CEP170B: variants seen among roughly 807,000 people sequenced by gnomAD.
CEP170B encodes the protein centrosomal protein 170B.
In CEP170B, 55 loss-of-function variants were observed where a neutral mutation model predicts 120.6. The observed-to-expected ratio is 0.46, with a 90% CI of 0.37 to 0.57. CEP170B has a LOEUF of 0.57. Among genes scored for constraint, CEP170B ranks in the 20% least tolerant of loss-of-function variants. The pLI, the probability that CEP170B is intolerant of heterozygous loss-of-function variation, is 0.00. For synonymous variants in CEP170B, 1,033 were observed against 954.5 expected (o/e 1.08, Z -1.52); for missense variants, 2,212 against 2,253.3 (o/e 0.98, Z 0.37).
Position 104,884,094 on chromosome 14 carries a change from A to G in CEP170B, c.1315A>G (p.Thr439Ala). 6.3e-7 allele frequency: 1 copy of G among 1,587,884 alleles called. No individual in the cohort carries two copies. Among genetic ancestry groups the G allele is most frequent in the Non-Finnish European group, 8.6e-7 (1 of 1,167,600 alleles). The change falls in exon 9 of 19, where the codon ACG becomes GCG. Residue 439 changes from threonine to alanine, a missense_variant. Physicochemically the swap from Thr to Ala is moderately conservative, Grantham distance 58 (BLOSUM62 0). Transcript: ENST00000414716. ...DPKADKRRGP[T>A]PADRDRPSVP... ...CAAGGCCGACAAGCGCCGTGGCCCA[A>G]CGCCGGCCGATAGGGACCGCCCCAG...
In CEP170B at chr14:104,895,515, G is replaced by T; in HGVS notation, c.*557G>T. 6.5e-6 allele frequency: 1 copy of T among 152,926 alleles called. No homozygotes were observed. 9.5% of individuals were successfully genotyped at this position (152,926 alleles called of 1,614,324 possible). A position where few individuals can be genotyped will look rare whatever the true frequency, so the allele number is the denominator to read the frequency against. ...CCCTGGTGGCTCCCACCTGACCCCAGGCCTTTTATAGGCAGGAGCCCCACT... is the reference window on the plus strand; with the variant it reads ...CCCTGGTGGCTCCCACCTGACCCCATGCCTTTTATAGGCAGGAGCCCCACT... On this transcript the variant is annotated 3_prime_UTR_variant, in exon 19 of 19. Transcript: ENST00000414716.
intron 6 of CEP170B, among the ~76,000 whole-genome samples, chr14:104,881,218 G>A (rs974570936): frequency 7.2e-5 from 11 of 152,134 alleles, no homozygotes; most frequent in Non-Finnish European, 1.5e-4. Flanking sequence ...GAGGGTCCGC[G>A]TGGGTCCGGT....
intron 12 of CEP170B, 156 bp from the exon 13 acceptor site, chr14:104,889,464 T>C: frequency 6.6e-7 from 1 of 1,507,816 alleles, no homozygotes; most frequent in Non-Finnish European, 8.9e-7. Context: ...CACAGGGTGC[T>C]GAGTGCTGCT....
At position 104,893,035 on chromosome 14, in the gene CEP170B, C is replaced by G. The variant is rs1383115637; in HGVS notation, c.3938C>G (p.Ala1313Gly). 1.9e-6 allele frequency: 3 copies of G among 1,591,334 alleles called. No individual in the cohort carries two copies. In the African/African-American group the frequency reaches 4.0e-5, roughly 21 times the overall value. Residue 1313 changes from alanine (A) to glycine (G), a missense_variant, in exon 14 of 19, where the codon GCT becomes GGT. By Grantham distance (60) the Ala-to-Gly change is moderately conservative. Coordinates refer to ENST00000414716, the MANE Select transcript of CEP170B (RefSeq NM_001112726.3). ...CTAGCCCAGGAGATCCACGATGTGGCTGGGGACGGTGACACACTGGGCTCC... is the reference window on the plus strand; with the variant it reads ...CTAGCCCAGGAGATCCACGATGTGGGTGGGGACGGTGACACACTGGGCTCC... ...AILAQEIHDV[A>G]GDGDTLGSSE...
chr14:104,889,938 A>G (rs1595355941), intron 13 of CEP170B, among the ~76,000 whole-genome samples, 180 bp downstream of exon 13: 5 of 62,892 alleles, frequency 8.0e-5, no homozygotes, highest in Admixed American at 1.8e-4. Context: ...GGATGGATGG[A>G]TGGATGGATG....
rs373720203 is a variant in CEP170B, at chr14:104,893,726, G to A, written c.4183-35G>A. 232 of 1,590,482 alleles carry A rather than the reference G, an allele frequency of 1.5e-4. No individual in the cohort carries two copies. The African/African-American group carries it at 1.7e-3, about 12-fold the overall frequency. On this transcript the variant is annotated intron_variant, in intron 15 of 18. Transcript: ENST00000414716. ...GGGGGGAGCAGGGGCGGGGCTCCTC[G>A]AGGGCGGGGCCATGCTGAGGCCGGG... is the stretch of plus-strand genomic sequence containing the variant.
rs1434646439 is a variant in CEP170B at position 104,882,910 on chromosome 14, G to A, written c.577+78G>A. ...TGTGAAGGGGATGGCCTGGGCTTGA[G>A]GAGCCCACTCCGGGGGACATGGGGC... On this transcript the variant is annotated intron_variant, in intron 7 of 18. Transcript: ENST00000414716. 7.4e-6 allele frequency: 11 copies of A among 1,493,540 alleles called. No homozygotes were observed. The East Asian group carries it at 2.6e-4, about 35-fold the overall frequency. The allele number at this position is 1,493,540 out of a possible 1,614,324, so 92.5% of individuals were successfully genotyped here.
At chr14:104,864,594 C>T (rs1330630045), upstream of CEP170B, among the ~76,000 whole-genome samples, 3 of 152,140 alleles carry the variant, frequency 2.0e-5, no homozygotes, top group African/African-American at 7.2e-5. This position sits in a 1 kb window ranked among gnomAD's most constrained non-coding sequence, Gnocchi z 5.9. Context: ...CCAACCCCAC[C>T]CCCACCCCTC....
At chr14:104,893,694 T>C in intron 15 of CEP170B, 28 bp downstream of exon 15, 1 of 1,585,154 alleles carries the variant, frequency 6.3e-7, no homozygotes, top group Non-Finnish European at 8.6e-7. Flanking sequence ...GCCACGGAGC[T>C]GGGTGTGGGG....
chr14:104,876,887 C>G (rs1895881509), intron 3 of CEP170B, among the ~76,000 whole-genome samples: 1 of 152,180 alleles, frequency 6.6e-6, no homozygotes, highest in African/African-American at 2.4e-5. Flanking sequence ...GAGGGAACCC[C>G]TGGCTGCAAG....
chr14:104,886,455 A>G lies in CEP170B; in HGVS notation c.2216A>G (p.Gln739Arg). 3.2e-6 allele frequency: 5 copies of G among 1,567,534 alleles called. No individual in the cohort carries two copies. Among genetic ancestry groups the G allele is most frequent in the Non-Finnish European group, 2.6e-6 (3 of 1,158,768 alleles). Residue 739 changes from glutamine to arginine, a missense_variant, in exon 12 of 19, where the codon CAG becomes CGG. This residue lies in a region of CEP170B where 2,166 missense variants were observed against 2,166.7 expected (regional missense o/e 1.00). Transcript: ENST00000414716. Reference sequence around the variant, plus strand: ...GAGCAGCCCAGCCGCCTCTTCGGCCAGGAGGAGTTGGATCCTGACAGCCTC... The same window carrying G: ...GAGCAGCCCAGCCGCCTCTTCGGCCGGGAGGAGTTGGATCCTGACAGCCTC... ...DSEQPSRLFGQEELDPDSLSD... is the reference protein window; with the variant it reads ...DSEQPSRLFGREELDPDSLSD...
Position 104,865,900 on chromosome 14 carries a change from TTCC to T in CEP170B, c.-28+397_-28+399del, listed in dbSNP as rs1426298692. On this transcript the variant is annotated intron_variant, in intron 1 of 18. Coordinates refer to ENST00000414716, the MANE Select transcript of CEP170B (RefSeq NM_001112726.3). The surrounding 1 kb of genome is among the most constrained non-coding windows in gnomAD (Gnocchi z 6.7). Reference sequence around the variant, plus strand: ...TCCTCCCGCGGTCCCTCCCTCCGTCTTCCTCCTCCTCCCCTCTCTCCTCATTTC... The same window carrying T: ...TCCTCCCGCGGTCCCTCCCTCCGTCTTCCTCCTCCCCTCTCTCCTCATTTC... Among the ~76,000 whole-genome samples the T allele has an allele frequency of 6.6e-6, 1 of 151,888 alleles. No homozygotes were observed. Among genetic ancestry groups the T allele is most frequent in the African/African-American group, 2.4e-5 (1 of 41,378 alleles).
At chr14:104,890,422 ATGGATGAGTGAGTGGGTGGATGGG>A (rs1896766456) in intron 13 of CEP170B, among the ~76,000 whole-genome samples, 1 of 112,694 alleles carries the variant, frequency 8.9e-6, no homozygotes, top group Non-Finnish European at 1.8e-5. Flanking sequence ...GGATGGATGA[ATGGATGAGTGAGTGGGTGGATGGG>A]TGAGTGGGTG....
At chr14:104,881,672 C>T (rs1226534499) in intron 6 of CEP170B, among the ~76,000 whole-genome samples, 10 of 152,184 alleles carry the variant, frequency 6.6e-5, no homozygotes, top group African/African-American at 2.4e-4. Context: ...GGCTCCTTGG[C>T]TCCGTTAGAG....
At position 104,893,841 on chromosome 14, in the gene CEP170B, G is replaced by A. The variant is rs1896967165; in HGVS notation, c.4263G>A (p.Glu1421=). 6.2e-7 allele frequency: 1 copy of A among 1,612,120 alleles called. No homozygotes were observed. Among genetic ancestry groups the A allele is most frequent in the Non-Finnish European group, 8.5e-7 (1 of 1,179,470 alleles). The change falls in exon 16 of 19, where the codon GAG becomes GAA. Residue 1421 remains glutamate, a synonymous_variant. Transcript: ENST00000414716. ...GTGAGAACACAGAGCACCTTGCCGA[G>A]AAGATGAAGTGAGTCGGCTTCCTGG... ...AIRENTEHLA[E]KMKILFQNTG...
chr14:104,876,650 C>T (rs1895867072), intron 3 of CEP170B, among the ~76,000 whole-genome samples: 1 of 152,136 alleles, frequency 6.6e-6, no homozygotes, highest in Non-Finnish European at 1.5e-5. Flanking sequence ...ACTACAGAGG[C>T]CCCCAGGCCT....
chr14:104,884,573 G>A, intron 9 of CEP170B, 24 bp downstream of exon 9: 1 of 1,531,006 alleles, frequency 6.5e-7, no homozygotes, highest in Non-Finnish European at 8.8e-7. Flanking sequence ...GCGAGTGAGA[G>A]CCCTCGTGGG....
In CEP170B at chr14:104,887,796, C is replaced by G; in HGVS notation, c.3557C>G (p.Pro1186Arg). ...RAGSFTGTSD[P>R]EAAPARTSFS... is the part of the protein sequence containing the mutation. Reference sequence around the variant, plus strand: ...GGCTCCTTCACAGGGACTAGTGACCCCGAGGCAGCCCCTGCCCGCACCAGC... The same window carrying G: ...GGCTCCTTCACAGGGACTAGTGACCGCGAGGCAGCCCCTGCCCGCACCAGC... Residue 1186 changes from proline (P) to arginine (R), a missense_variant, in exon 12 of 19, where the codon CCC (proline) becomes CGC (arginine). By Grantham distance (103) the Pro-to-Arg change is moderately radical. Transcript: ENST00000414716. The G allele has an allele frequency of 1.9e-6, 3 of 1,586,204 alleles. No homozygotes were observed. The highest frequency in any genetic ancestry group is 2.6e-6 in the Non-Finnish European group (3 of 1,168,680).
rs753479475 is a variant in CEP170B at position 104,887,922 on chromosome 14, C to T, written c.3683C>T (p.Thr1228Met). 21 of 1,545,986 alleles carry T rather than the reference C, an allele frequency of 1.4e-5. No individual in the cohort carries two copies. The highest frequency in any genetic ancestry group is 2.4e-5 in the South Asian group (2 of 84,324). The change falls in exon 12 of 19, where the codon ACG becomes ATG. Residue 1228 changes from threonine to methionine, a missense_variant. Around this residue, in one of 2 missense-constraint regions of CEP170B, gnomAD observed 2,166 missense variants for 2,166.7 expected, o/e 1.00. Transcript: ENST00000414716. ...AAGGCTGCCAACACAGCCACCACCA[C>T]GGGTCCCCGCCAGCCCTTCAGCAGG... ...SRKAANTATT[T>M]GPRQPFSRAR...
Sources: gnomAD v4.1 joint callset for allele counts (sites outside exome capture counted in the v4.1 genomes callset) on GRCh38, gnomAD v4.1.1 for gene constraint, gnomAD v4.1.1 regional missense constraint, Gnocchi (gnomAD v3.1) non-coding constraint, MANE v1.5 for transcripts, NCBI Gene and HGNC (gene_info 2026-07-23, HGNC 2026-07-21) for gene names.